Variants in CCDC171 observed in about 807,000 individuals in gnomAD.
CCDC171 encodes coiled-coil domain containing 171.
Under a neutral mutation model 168.2 loss-of-function variants are expected in CCDC171, and 177 were observed. The ratio of observed to expected loss-of-function variants is 1.05; its 90% confidence interval spans 0.93 to 1.19. The LOEUF (loss-of-function observed/expected upper bound fraction) is 1.19. Ranked by LOEUF, CCDC171 falls within the 50% of genes most tolerant of loss-of-function variation. The pLI is 0.00. For missense variants in CCDC171, 1,991 were observed against 1,539.0 expected, an observed-to-expected ratio of 1.29 and a Z score of -4.91; for synonymous variants, 687 against 540.8, an observed-to-expected ratio of 1.27 and a Z score of -3.75.
At chr9:15,954,724 T>G (rs1385155173) in intron 25 of CCDC171, among the ~76,000 whole-genome samples, 1 of 152,078 alleles carries the variant, frequency 6.6e-6, no homozygotes, top group African/African-American at 2.4e-5. Flanking sequence ...AATTTTTCAT[T>G]TCAGTCATTT....
chr9:15,602,950 G>C (rs530452946), intron 6 of CCDC171, among the ~76,000 whole-genome samples: 1 of 151,720 alleles, frequency 6.6e-6, no homozygotes, highest in Non-Finnish European at 1.5e-5. Flanking sequence ...GAGCCATCTC[G>C]CCTAGCCTTA....
At chr9:15,805,731 TG>T (rs2059041846) in intron 21 of CCDC171, among the ~76,000 whole-genome samples, 1 of 152,262 alleles carries the variant, frequency 6.6e-6, no homozygotes, top group Admixed American at 6.5e-5. Context: ...CTGTTGTTTT[TG>T]GGTGAAGAGT....
chr9:16,034,696 G>A (rs1833431349), intron 6 of CCDC171, among the ~76,000 whole-genome samples: 1 of 152,160 alleles, frequency 6.6e-6, no homozygotes, highest in South Asian at 2.1e-4. Flanking sequence ...CCCAATCCTG[G>A]GGGACAGGTG....
At chr9:16,048,534 C>T (rs1232795495) in intron 1 of CCDC171, among the ~76,000 whole-genome samples, 3 of 152,100 alleles carry the variant, frequency 2.0e-5, no homozygotes, top group Non-Finnish European at 4.4e-5. Context: ...CTCCTGTGCC[C>T]CTTATCTTTT....
the CCDC171 span, among the ~76,000 whole-genome samples, chr9:16,104,358 C>T: frequency 0.034 from 5,207 of 152,220 alleles, 141 homozygotes; most frequent in African/African-American, 0.076. Flanking sequence ...CCTTTCTCTT[C>T]CAGCTGCCCG....
intron 24 of CCDC171, among the ~76,000 whole-genome samples, chr9:15,897,186 T>A (rs1821020080): frequency 6.6e-6 from 1 of 152,088 alleles, no homozygotes; most frequent in South Asian, 2.1e-4. Flanking sequence ...AGTCCTTTAC[T>A]GATGCTAACA....
At chr9:15,917,275 A>C (rs949923898) in intron 24 of CCDC171, among the ~76,000 whole-genome samples, 2 of 151,790 alleles carry the variant, frequency 1.3e-5, no homozygotes, top group African/African-American at 4.8e-5. Context: ...TTTGAAGGAG[A>C]CTTTTGTTTA....
At chr9:15,874,874 G>C in intron 24 of CCDC171, 1 of 400,548 alleles carries the variant, frequency 2.5e-6, no homozygotes, top group East Asian at 4.5e-5. Context: ...AAATAATCCA[G>C]AAAAGTGTTT....
At position 15,986,740 on chromosome 9, in the gene CCDC171, C is replaced by A. The variant is rs182136709; in HGVS notation, n.369-33849C>A. Among the ~76,000 whole-genome samples the A allele has an allele frequency of 2.0e-5, 3 of 152,264 alleles. No individual in the cohort carries two copies. The East Asian group carries it at 5.8e-4, about 29-fold the overall frequency. ...TTCTTGCTGACTTACTCTTAGATGA[C>A]TATTTCCATTCTGTTGTTTATGTCA... On this transcript the variant is annotated intron_variant and non_coding_transcript_variant, in intron 3 of 9. Transcript: ENST00000486641.
intron 18 of CCDC171, among the ~76,000 whole-genome samples, chr9:15,770,479 G>A (rs1340431469): frequency 4.6e-5 from 7 of 152,128 alleles, no homozygotes; most frequent in Non-Finnish European, 1.0e-4. Context: ...CCACCAGACT[G>A]CCAAAGGTAT....
At chr9:15,906,619 G>A (rs1312393846) in intron 24 of CCDC171, among the ~76,000 whole-genome samples, 1 of 152,154 alleles carries the variant, frequency 6.6e-6, no homozygotes, top group East Asian at 1.9e-4. Flanking sequence ...GCCCAAGACA[G>A]GGATGCCCTC....
intron 21 of CCDC171, among the ~76,000 whole-genome samples, chr9:15,823,247 C>A (rs928105906): frequency 7.2e-5 from 11 of 152,080 alleles, no homozygotes; most frequent in African/African-American, 2.7e-4. Context: ...AAGGGTGCAG[C>A]ACACCAACAT....
intron 3 of CCDC171, among the ~76,000 whole-genome samples, chr9:15,986,917 C>T (rs998633104): frequency 1.3e-5 from 2 of 149,438 alleles, no homozygotes; most frequent in Non-Finnish European, 3.0e-5. Flanking sequence ...TCCTTTAATA[C>T]ATGGCATTAG....
chr9:15,784,840 C>T (rs897548175), intron 21 of CCDC171, 146 bp downstream of exon 21: 8 of 587,594 alleles, frequency 1.4e-5, no homozygotes, highest in Non-Finnish European at 2.2e-5. Flanking sequence ...GTTTCTGAGA[C>T]CTCAGTTATA....
chr9:15,648,601 A>G (rs547041943), intron 7 of CCDC171, among the ~76,000 whole-genome samples: 4 of 152,320 alleles, frequency 2.6e-5, no homozygotes, highest in East Asian at 3.9e-4. Flanking sequence ...TTATACACCA[A>G]TAACAGAGAA....
chr9:15,980,736 C>T (rs1831765384), intron 3 of CCDC171, among the ~76,000 whole-genome samples: 1 of 148,760 alleles, frequency 6.7e-6, no homozygotes, highest in Non-Finnish European at 1.5e-5. Context: ...GGGTGTTGCT[C>T]ATTTGGTTTT....
chr9:16,059,824 C>CT (rs1459756846), intron 1 of CCDC171, among the ~76,000 whole-genome samples: 1 of 149,892 alleles, frequency 6.7e-6, no homozygotes, highest in Non-Finnish European at 1.5e-5. Flanking sequence ...TTTTTTTTTT[C>CT]TTTAACACAC....
At chr9:15,930,711 A>G (rs1314731262) in intron 25 of CCDC171, among the ~76,000 whole-genome samples, 1 of 151,718 alleles carries the variant, frequency 6.6e-6, no homozygotes, top group Non-Finnish European at 1.5e-5. Flanking sequence ...GTTTGTTTTC[A>G]AAAATGTGTT....
chr9:15,874,677 T>C lies in CCDC171; in HGVS notation c.3600+14T>C. ...GTAGCATGCCAGGTTAGAGTCTAAATAACATTGTTTGCTACTGAGACATAT... is the reference window on the plus strand; with the variant it reads ...GTAGCATGCCAGGTTAGAGTCTAAACAACATTGTTTGCTACTGAGACATAT... On this transcript the variant is annotated intron_variant, in intron 24 of 25. Coordinates refer to ENST00000380701, the MANE Select transcript of CCDC171 (RefSeq NM_173550.4). 1 of 1,553,492 alleles carries C rather than the reference T, an allele frequency of 6.4e-7. No homozygotes were observed. The highest frequency in any genetic ancestry group is 8.7e-7 in the Non-Finnish European group (1 of 1,150,562).
Sources: allele counts gnomAD v4.1 joint callset (sites outside exome capture counted in the v4.1 genomes callset), GRCh38; gene constraint gnomAD v4.1.1; transcripts MANE v1.5; gene names NCBI Gene and HGNC (gene_info 2026-07-23, HGNC 2026-07-21).